Variants in IPO11 observed in about 807,000 individuals in gnomAD.
IPO11 encodes the protein importin 11.
A neutral mutation model predicts 143.2 loss-of-function variants in IPO11; 66 were observed. That is an observed-to-expected ratio of 0.46 (90% CI 0.38 to 0.57). The LOEUF (loss-of-function observed/expected upper bound fraction) is 0.57, where lower values mean the gene tolerates loss of function less well. IPO11 is among the 20% of genes least tolerant of loss of function. The probability of loss-of-function intolerance (pLI) is 0.00; values close to 1 mark genes in which losing one functional copy is unlikely to be tolerated. For synonymous variants in IPO11, 385 were observed against 377.8 expected (o/e 1.02, Z -0.22); for missense variants, 1,026 against 1,141.0 (o/e 0.90, Z 1.45).
intron 2 of IPO11, among the ~76,000 whole-genome samples, chr5:62,438,098 G>C (rs995172007): frequency 6.6e-6 from 1 of 152,082 alleles, no homozygotes; most frequent in Non-Finnish European, 1.5e-5. Flanking sequence ...AAAGCTCCCC[G>C]TTGGGTTAAA....
rs139619818 is a variant in IPO11 at position 62,518,084 on chromosome 5, G to T, written c.1896+2583G>T. On this transcript the variant is annotated intron_variant, in intron 20 of 29. Transcript: ENST00000325324. ...TTTGGGAGGCTGAAGTGGATGATCA[G>T]TTGAGGTCAGGAGTTCGAGACCAGC... is the stretch of plus-strand genomic sequence containing the variant. Among the ~76,000 whole-genome samples the T allele has an allele frequency of 2.2e-3, 325 of 150,350 alleles. 1 individual carries two copies. Among genetic ancestry groups the T allele is most frequent in the Admixed American group, 6.2e-3 (94 of 15,068 alleles).
chr5:62,441,219 CAG>C (rs1744463487), intron 2 of IPO11, among the ~76,000 whole-genome samples: 1 of 152,036 alleles, frequency 6.6e-6, no homozygotes, highest in Non-Finnish European at 1.5e-5. Context: ...TTTTTTGAGA[CAG>C]AGTTTCACTC....
chr5:62,609,245 G>T (rs1434418015), intron 29 of IPO11, among the ~76,000 whole-genome samples: 1 of 152,218 alleles, frequency 6.6e-6, no homozygotes, highest in East Asian at 1.9e-4. Context: ...TGAAGACTTG[G>T]AAGTGATGAG....
At chr5:62,590,765 A>G (rs1744981114) in intron 27 of IPO11, among the ~76,000 whole-genome samples, 1 of 152,158 alleles carries the variant, frequency 6.6e-6, no homozygotes. Context: ...TAAAAATTTA[A>G]AAAACACTAA....
intron 9 of IPO11, among the ~76,000 whole-genome samples, chr5:62,479,383 C>T (rs188389137): frequency 1.6e-3 from 236 of 152,176 alleles, no homozygotes; most frequent in Admixed American, 1.6e-3. Context: ...TTGTGAATAG[C>T]GCCACAATAA....
chr5:62,569,557 G>A (rs1253779599), intron 27 of IPO11, among the ~76,000 whole-genome samples: 2 of 152,136 alleles, frequency 1.3e-5, no homozygotes, highest in South Asian at 4.1e-4. Flanking sequence ...TTCTAACCTA[G>A]TTTCCATTAT....
intron 24 of IPO11, among the ~76,000 whole-genome samples, chr5:62,543,832 A>T (rs1386077023): frequency 1.3e-5 from 2 of 151,740 alleles, no homozygotes; most frequent in Non-Finnish European, 2.9e-5. Flanking sequence ...TAGTGCTATA[A>T]ATTTCTGTCT....
intron 10 of IPO11, 33 bp downstream of exon 10, chr5:62,483,326 T>G: frequency 7.7e-7 from 1 of 1,305,666 alleles, no homozygotes. Context: ...AAAAGAATTA[T>G]TTTAATCTTA....
At chr5:62,489,246 T>C in intron 13 of IPO11, 56 bp from the exon 14 acceptor site, 1 of 1,052,070 alleles carries the variant, frequency 9.5e-7, no homozygotes, top group Non-Finnish European at 1.3e-6. Flanking sequence ...ATAAATTTTT[T>C]AAAAAACTAG....
intron 1 of IPO11, among the ~76,000 whole-genome samples, chr5:62,417,392 G>A (rs1273646518): frequency 1.6e-5 from 2 of 121,732 alleles, no homozygotes; most frequent in East Asian, 2.8e-4. Context: ...TGAATTTGAT[G>A]TAGTGGTGAT....
chr5:62,586,768 A>AAATATATAT (rs1554057003), intron 27 of IPO11, among the ~76,000 whole-genome samples: 3 of 28,918 alleles, frequency 1.0e-4, no homozygotes, highest in African/African-American at 2.7e-4. Context: ...AAAAAAAAAA[A>AAATATATAT]ATATATATAT....
chr5:62,439,567 G>A (rs1744384545), intron 2 of IPO11, among the ~76,000 whole-genome samples: 2 of 151,184 alleles, frequency 1.3e-5, no homozygotes, highest in Admixed American at 6.6e-5. Context: ...GATTACAGGC[G>A]TGAGCGACTG....
intron 15 of IPO11, among the ~76,000 whole-genome samples, chr5:62,493,158 A>G (rs1180719486): frequency 6.6e-6 from 1 of 152,344 alleles, no homozygotes; most frequent in South Asian, 2.1e-4. Flanking sequence ...TCTGAGTCAC[A>G]TTCTGTTATT....
chr5:62,418,890 C>A, intron 1 of IPO11: 1 of 1,134,212 alleles, frequency 8.8e-7, no homozygotes, highest in Admixed American at 2.6e-5. Context: ...GATTATAGCA[C>A]CAGGTGTGAA....
rs191213500 is a variant in IPO11 at position 62,484,320 on chromosome 5, A to G, written c.1174+158A>G. Among the ~76,000 whole-genome samples, 232 of 152,326 alleles carry G rather than the reference A, an allele frequency of 1.5e-3. 1 individual carries two copies. Among genetic ancestry groups the G allele is most frequent in the Non-Finnish European group, 6.5e-4 (44 of 68,008 alleles). On this transcript the variant is annotated intron_variant, in intron 11 of 29. Coordinates refer to ENST00000325324, the MANE Select transcript of IPO11 (RefSeq NM_016338.5). ...TACTCTTTCGTTGTTATCCATTAGA[A>G]CAAATTGAGAAGCAGAAAATGAATG...
At chr5:62,551,357 AT>A (rs764692099) in intron 26 of IPO11, 21 bp downstream of exon 26, 1 of 1,206,326 alleles carries the variant, frequency 8.3e-7, no homozygotes, top group Non-Finnish European at 1.2e-6. Context: ...ATATACTTAA[AT>A]TTAAGGAAGT....
At chr5:62,435,114 A>ATGTATGTATATATATGTATATG (rs1326687822) in intron 1 of IPO11, among the ~76,000 whole-genome samples, 4 of 102,310 alleles carry the variant, frequency 3.9e-5, no homozygotes, top group Non-Finnish European at 7.3e-5. Flanking sequence ...ATATATGTAT[A>ATGTATGTATATATATGTATATG]TATGTATATA....
At chr5:62,415,464 CT>C (rs67290766) in intron 1 of IPO11, among the ~76,000 whole-genome samples, 16,773 of 101,248 alleles carry the variant, frequency 0.17, 1,164 homozygotes, top group African/African-American at 0.28. Flanking sequence ...CCCGTCTTTA[CT>C]TTTTTTTTTT....
intron 1 of IPO11, among the ~76,000 whole-genome samples, chr5:62,423,601 C>CTTTTTGTATGTAGAATGTACATAAAAGT (rs1743593440): frequency 1.3e-5 from 2 of 152,108 alleles, no homozygotes; most frequent in Non-Finnish European, 2.9e-5. Flanking sequence ...TAAAAGTAGA[C>CTTTTTGTATGTAGAATGTACATAAAAGT]AGAATTTTAT....
Sources: allele counts gnomAD v4.1 joint callset (sites outside exome capture counted in the v4.1 genomes callset), GRCh38; gene constraint gnomAD v4.1.1; transcripts MANE v1.5; gene names NCBI Gene and HGNC (gene_info 2026-07-23, HGNC 2026-07-21).